PDE1A: variants seen among roughly 807,000 people sequenced by gnomAD.
PDE1A encodes phosphodiesterase 1A.
In PDE1A, 35 loss-of-function variants were observed where a neutral mutation model predicts 61.7. That is an observed-to-expected ratio of 0.57 (90% CI 0.43 to 0.75). The LOEUF is 0.75. PDE1A is among the 30% of genes least tolerant of loss of function. The pLI is 0.00. For synonymous variants in PDE1A, 232 were observed against 213.2 expected (o/e 1.09, Z -0.77); for missense variants, 597 against 630.6 (o/e 0.95, Z 0.57).
chr2:182,458,395 T>C (rs1686058204), intron 2 of PDE1A, among the ~76,000 whole-genome samples: 1 of 151,998 alleles, frequency 6.6e-6, no homozygotes, highest in African/African-American at 2.4e-5. Flanking sequence ...GTTAACAAAA[T>C]GTGTAAAGTC....
At chr2:182,431,121 T>TAAAAAAA (rs538631665), upstream of PDE1A, among the ~76,000 whole-genome samples, 2 of 121,518 alleles carry the variant, frequency 1.6e-5, no homozygotes, top group Non-Finnish European at 3.4e-5. Context: ...AAAAAAACAT[T>TAAAAAAA]AAAAAAAAAA....
chr2:182,347,272 G>A (rs1372566697), intron 1 of PDE1A, among the ~76,000 whole-genome samples: 1 of 152,010 alleles, frequency 6.6e-6, no homozygotes, highest in Non-Finnish European at 1.5e-5. Context: ...AATAACTCAA[G>A]GAGAAAGGAA....
intron 13 of PDE1A, among the ~76,000 whole-genome samples, chr2:182,169,227 T>C (rs1217652844): frequency 1.3e-5 from 2 of 152,080 alleles, no homozygotes; most frequent in East Asian, 1.9e-4. Context: ...AGACTTTACA[T>C]TGATTCCATC....
intron 2 of PDE1A, among the ~76,000 whole-genome samples, chr2:182,433,791 C>T (rs1704074073): frequency 6.6e-6 from 1 of 152,074 alleles, no homozygotes; most frequent in South Asian, 2.1e-4. Context: ...AAAACCCTGA[C>T]CTTTGGCTCA....
chr2:182,544,055 AC>A, the PDE1A span, among the ~76,000 whole-genome samples: 1 of 152,166 alleles, frequency 6.6e-6, no homozygotes, highest in Non-Finnish European at 1.5e-5. Flanking sequence ...TTTTCAACTA[AC>A]TTCTCTCAGT....
chr2:182,451,645 T>G (rs1685530021), intron 2 of PDE1A, among the ~76,000 whole-genome samples: 1 of 152,132 alleles, frequency 6.6e-6, no homozygotes, highest in Non-Finnish European at 1.5e-5. Flanking sequence ...CAAGCCATAA[T>G]CAGGGACCTG....
intron 2 of PDE1A, among the ~76,000 whole-genome samples, chr2:182,498,720 A>G (rs967062694): frequency 1.1e-4 from 16 of 151,962 alleles, no homozygotes; most frequent in African/African-American, 3.4e-4. Context: ...CGAGGCAGGC[A>G]GATCATGAGG....
intron 1 of PDE1A, among the ~76,000 whole-genome samples, chr2:182,373,321 C>T (rs1700220371): frequency 6.6e-6 from 1 of 152,118 alleles, no homozygotes. Context: ...TGGTGGAAGG[C>T]AAAGCCAAAT....
At chr2:182,271,418 T>C (rs1693016863) in intron 1 of PDE1A, among the ~76,000 whole-genome samples, 1 of 152,106 alleles carries the variant, frequency 6.6e-6, no homozygotes, top group South Asian at 2.1e-4. Flanking sequence ...AAAAACTCTT[T>C]TAAGTACAAA....
At chr2:182,308,089 A>C (rs1357286167) in intron 1 of PDE1A, among the ~76,000 whole-genome samples, 1 of 152,174 alleles carries the variant, frequency 6.6e-6, no homozygotes, top group African/African-American at 2.4e-5. Flanking sequence ...TGTCCACTGG[A>C]GAAATTACTC....
chr2:182,209,722 C>T (rs1318684593), intron 7 of PDE1A, among the ~76,000 whole-genome samples: 1 of 151,896 alleles, frequency 6.6e-6, no homozygotes, highest in Non-Finnish European at 1.5e-5. Flanking sequence ...CCCTCTCTTG[C>T]CACCATGTGA....
chr2:182,686,684 A>G, the PDE1A span, among the ~76,000 whole-genome samples: 1 of 152,212 alleles, frequency 6.6e-6, no homozygotes, highest in Admixed American at 6.5e-5. Flanking sequence ...CAGTGCATGC[A>G]GGACAGTGGG....
intron 10 of PDE1A, among the ~76,000 whole-genome samples, chr2:182,199,284 T>C (rs1031658073): frequency 6.6e-6 from 1 of 151,992 alleles, no homozygotes; most frequent in African/African-American, 2.4e-5. Context: ...TTAACTTTTG[T>C]TATTGTTTGT....
chr2:182,392,065 C>T (rs913769708), intron 1 of PDE1A, among the ~76,000 whole-genome samples: 1 of 152,184 alleles, frequency 6.6e-6, no homozygotes, highest in African/African-American at 2.4e-5. Context: ...TAATCTCTCT[C>T]CCATCCTTCC....
intron 2 of PDE1A, among the ~76,000 whole-genome samples, chr2:182,445,832 A>G (rs1027393669): frequency 6.6e-6 from 1 of 152,112 alleles, no homozygotes; most frequent in Non-Finnish European, 1.5e-5. Flanking sequence ...CATGCTTCCT[A>G]GAAGTATGTT....
intron 1 of PDE1A, among the ~76,000 whole-genome samples, chr2:182,377,579 T>C (rs1344718025): frequency 6.6e-6 from 1 of 152,194 alleles, no homozygotes; most frequent in Non-Finnish European, 1.5e-5. Flanking sequence ...CCTAAATTGC[T>C]AGTGGAAGTG....
At chr2:182,295,276 T>G (rs529428982) in intron 1 of PDE1A, among the ~76,000 whole-genome samples, 1 of 151,584 alleles carries the variant, frequency 6.6e-6, no homozygotes, top group Admixed American at 6.6e-5. Flanking sequence ...GGGTTTCACC[T>G]TGTTAGCCAG....
intron 2 of PDE1A, among the ~76,000 whole-genome samples, chr2:182,447,124 C>CACAT (rs1268679369): frequency 6.7e-6 from 1 of 150,000 alleles, no homozygotes; most frequent in Non-Finnish European, 1.5e-5. Flanking sequence ...CACTTACACA[C>CACAT]ACACACACAC....
chr2:182,561,751 C>A, the PDE1A span, among the ~76,000 whole-genome samples: 9 of 151,938 alleles, frequency 5.9e-5, no homozygotes, highest in Non-Finnish European at 7.4e-5. Context: ...GTTTGTAGTT[C>A]TCCTTGAAGA....
Sources: allele counts gnomAD v4.1 joint callset (sites outside exome capture counted in the v4.1 genomes callset), GRCh38; gene constraint gnomAD v4.1.1; transcripts MANE v1.5; gene names NCBI Gene and HGNC (gene_info 2026-07-23, HGNC 2026-07-21).